Variants in LIMS2 observed in about 807,000 individuals in gnomAD.
LIMS2 encodes LIM zinc finger domain containing 2.
A neutral mutation model predicts 45.3 loss-of-function variants in LIMS2; 30 were observed. The observed-to-expected ratio is 0.66, with a 90% confidence interval of 0.50 to 0.90. LIMS2 has a LOEUF of 0.90. Among genes scored for constraint, LIMS2 ranks in the 40% least tolerant of loss-of-function variants. The probability of loss-of-function intolerance (pLI) is 0.00; values close to 1 mark genes in which losing one functional copy is unlikely to be tolerated. For synonymous variants in LIMS2, 173 were observed against 188.0 expected, an observed-to-expected ratio of 0.92 and a Z score of 0.65; for missense variants, 485 against 468.7, an observed-to-expected ratio of 1.03 and a Z score of -0.32.
chr2:127,672,063 C>T lies in LIMS2; in HGVS notation c.11+2951G>A, dbSNP rs1044044896. 5.9e-5 allele frequency among the ~76,000 whole-genome samples: 9 copies of T among 152,200 alleles called. No individual in the cohort carries two copies. The highest frequency in any genetic ancestry group is 7.3e-5 in the Non-Finnish European group (5 of 68,032). On this transcript the variant is annotated intron_variant, in intron 1 of 9. Coordinates refer to ENST00000355119, the MANE Select transcript of LIMS2 (RefSeq NM_001161403.3). This position sits in a 1 kb window ranked among gnomAD's most constrained non-coding sequence, Gnocchi z 4.9. ...TGGGCTCAGCACACAATCAGGCATA[C>T]GACAGCCTCACATGTGACACACATG...
rs1431529794 is a variant in LIMS2, at chr2:127,642,061, C to T, written c.648G>A (p.Gln216=). ...CAGCCTGGCTCACCTCCACGTGCCACTGCTTGCCCAGCGCGTTGACCACTC... is the reference window on the plus strand; with the variant it reads ...CAGCCTGGCTCACCTCCACGTGCCATTGCTTGCCCAGCGCGTTGACCACTC... ...EGRVVNALGK[Q]WHVEHFVCAK... The change falls in exon 6 of 10, where the codon CAG becomes CAA. Residue 216 remains glutamine (Q), a synonymous_variant. Coordinates refer to ENST00000355119, the MANE Select transcript of LIMS2 (RefSeq NM_001161403.3). This position sits in a 1 kb window ranked among gnomAD's most constrained non-coding sequence, Gnocchi z 5.3. 1 of 1,611,332 alleles carries T rather than the reference C, an allele frequency of 6.2e-7. No homozygotes were observed. The highest frequency in any genetic ancestry group is 1.7e-5 in the Admixed American group (1 of 59,850).
rs1190431503 is a variant in LIMS2 at position 127,664,478 on chromosome 2, G to A, written c.12-6916C>T. The stretch of plus-strand genomic sequence containing the variant: ...CTCGGAGGGGAGGCGCGGCCGCCTG[G>A]GGCCAGACACCAAGACGGGACGGGC... On this transcript the variant is annotated intron_variant, in intron 1 of 9. Coordinates refer to ENST00000355119, the MANE Select transcript of LIMS2 (RefSeq NM_001161403.3). The surrounding 1 kb of genome is among the most constrained non-coding windows in gnomAD (Gnocchi z 5.5). The A allele has an allele frequency of 1.7e-6, 2 of 1,176,368 alleles. No individual in the cohort carries two copies. The highest frequency in any genetic ancestry group is 4.6e-5 in the Admixed American group (1 of 21,872). The allele number at this position is 1,176,368 out of a possible 1,614,324, so 72.9% of individuals were successfully genotyped here. A position where few individuals can be genotyped will look rare whatever the true frequency, so the allele number is the denominator to read the frequency against.
chr2:127,664,716 G>T lies in LIMS2; in HGVS notation c.12-7154C>A. 1 of 610,120 alleles carries T rather than the reference G, an allele frequency of 1.6e-6. No homozygotes were observed. The highest frequency in any genetic ancestry group is 2.1e-6 in the Non-Finnish European group (1 of 487,058). The allele number at this position is 610,120 out of a possible 1,614,324, so 37.8% of individuals were successfully genotyped here. ...GAGGTGAGGTCCACAGTGGCGGCAG[G>T]ACACCCAGGAGGTCTCCGGCTGCCA... On this transcript the variant is annotated intron_variant, in intron 1 of 9. Transcript: ENST00000355119. This position sits in a 1 kb window ranked among gnomAD's most constrained non-coding sequence, Gnocchi z 5.5.
intron 4 of LIMS2, chr2:127,651,958 G>A (rs943850131): frequency 1.6e-6 from 1 of 614,772 alleles, no homozygotes; most frequent in Admixed American, 3.0e-5. Context: ...CTCTGCAGGG[G>A]CTTGTGATGG....
At position 127,640,876 on chromosome 2, in the gene LIMS2, A is replaced by C. The variant is rs776906493; in HGVS notation, c.753+20T>G. ...CACCCCTCCAGACCCGCATCCCTGA[A>C]GGTTCTGCACCGGGCTCACCTGGTT... On this transcript the variant is annotated intron_variant, in intron 7 of 9. Coordinates refer to ENST00000355119, the MANE Select transcript of LIMS2 (RefSeq NM_001161403.3). The C allele has an allele frequency of 1.9e-6, 3 of 1,609,144 alleles. No individual in the cohort carries two copies. The highest frequency in any genetic ancestry group is 2.2e-5 in the East Asian group (1 of 44,840).
intron 1 of LIMS2, among the ~76,000 whole-genome samples, chr2:127,668,390 C>T (rs1685113194): frequency 6.6e-6 from 1 of 151,676 alleles, no homozygotes; most frequent in Non-Finnish European, 1.5e-5. Context: ...ACAAAGAGGC[C>T]AGGTGCAGTG....
intron 2 of LIMS2, chr2:127,656,189 ATAATT>A (rs1684238315): frequency 6.6e-6 from 1 of 152,236 alleles, no homozygotes; most frequent in Non-Finnish European, 1.5e-5. Context: ...GTACGCTGAT[ATAATT>A]TAATTTTTAA....
chr2:127,649,883 T>C (rs908844157), intron 4 of LIMS2: 4 of 750,478 alleles, frequency 5.3e-6, no homozygotes, highest in Non-Finnish European at 8.8e-6. Flanking sequence ...CTGGGTAAAA[T>C]GGGTCTTCCC....
chr2:127,641,419 TG>T, intron 6 of LIMS2: 1 of 202,176 alleles, frequency 4.9e-6, no homozygotes, highest in Non-Finnish European at 1.0e-5. Flanking sequence ...CCTGCAAGCC[TG>T]GGATCACTGA....
At position 127,639,237 on chromosome 2, in the gene LIMS2, G is replaced by T. The variant is rs373600859; in HGVS notation, c.*44C>A. On this transcript the variant is annotated 3_prime_UTR_variant, in exon 10 of 10. Coordinates refer to ENST00000355119, the MANE Select transcript of LIMS2 (RefSeq NM_001161403.3). ...GGGGGCCAAGCATGGACAGCAGGAG[G>T]GGAGAAGGCGGAGGGGCCGAGAGGC... The T allele has an allele frequency of 4.7e-5, 76 of 1,602,762 alleles. No individual in the cohort carries two copies. In the African/African-American group the frequency reaches 9.0e-4, roughly 19 times the overall value.
chr2:127,668,668 C>CAAAAA (rs70985469), intron 1 of LIMS2, among the ~76,000 whole-genome samples: 363 of 17,236 alleles, frequency 0.021, 62 homozygotes, highest in Admixed American at 0.033. Context: ...GACTCCGTCT[C>CAAAAA]AAAAAAAAAA....
rs1682567974 is a variant in LIMS2 at position 127,642,806 on chromosome 2, C to T, written c.509+117G>A. The T allele has an allele frequency of 8.3e-7, 1 of 1,198,898 alleles. No individual in the cohort carries two copies. The highest frequency in any genetic ancestry group is 2.8e-4 in the Middle Eastern group (1 of 3,574). 74.3% of individuals were successfully genotyped at this position (1,198,898 alleles called of 1,614,324 possible). A position where few individuals can be genotyped will look rare whatever the true frequency, so the allele number is the denominator to read the frequency against. ...TTGCTCTCGGGACCCCTCTGTCTGC[C>T]CACCCTGCTCCCCTCTCCCTCCTCA... On this transcript the variant is annotated intron_variant, in intron 5 of 9. Coordinates refer to ENST00000355119, the MANE Select transcript of LIMS2 (RefSeq NM_001161403.3). The surrounding 1 kb of genome is among the most constrained non-coding windows in gnomAD (Gnocchi z 5.3).
rs1031184692 is a variant in LIMS2, at chr2:127,667,173, C to T, written c.11+7841G>A. ...CAGTGTGGTGGCACATGCCTATAAT[C>T]CCAGCTACTCAGGAGGCTGAGGCAG... On this transcript the variant is annotated intron_variant, in intron 1 of 9. Transcript: ENST00000355119. This position sits in a 1 kb window ranked among gnomAD's most constrained non-coding sequence, Gnocchi z 4.1. 2.0e-5 allele frequency among the ~76,000 whole-genome samples: 3 copies of T among 152,212 alleles called. No homozygotes were observed. The highest frequency in any genetic ancestry group is 2.9e-5 in the Non-Finnish European group (2 of 68,036).
intron 4 of LIMS2, chr2:127,650,993 C>T (rs781484223): frequency 1.9e-6 from 3 of 1,613,826 alleles, no homozygotes; most frequent in Non-Finnish European, 2.5e-6. Flanking sequence ...TCCTGCCCAC[C>T]CGCCTGGTCT....
chr2:127,651,451 T>C (rs369962485), intron 4 of LIMS2: 12 of 1,612,912 alleles, frequency 7.4e-6, no homozygotes, highest in African/African-American at 4.0e-5. Context: ...ATGATCGCCA[T>C]AGTGCTGGCC....
At chr2:127,662,035 C>G (rs1463523053) in intron 1 of LIMS2, among the ~76,000 whole-genome samples, 2 of 152,168 alleles carry the variant, frequency 1.3e-5, no homozygotes, top group African/African-American at 4.8e-5. Flanking sequence ...CACAAGAAGT[C>G]TGGTCACACC....
At chr2:127,680,342 C>T (rs1321607588), upstream of LIMS2, among the ~76,000 whole-genome samples, 2 of 152,236 alleles carry the variant, frequency 1.3e-5, no homozygotes, top group Admixed American at 6.5e-5. Flanking sequence ...GGGCCTAGCT[C>T]TTCATGAGGC....
chr2:127,651,324 C>T, intron 4 of LIMS2: 2 of 1,610,838 alleles, frequency 1.2e-6, no homozygotes, highest in Non-Finnish European at 1.7e-6. Context: ...CCTGGTGTCC[C>T]TGGCAGTGGC....
intron 4 of LIMS2, chr2:127,651,103 C>T (rs902189141): frequency 1.2e-6 from 2 of 1,613,670 alleles, no homozygotes; most frequent in South Asian, 1.1e-5. Flanking sequence ...TACTTCCTCA[C>T]CTGCATCAGC....
Sources: allele counts gnomAD v4.1 joint callset (sites outside exome capture counted in the v4.1 genomes callset), GRCh38; gene constraint gnomAD v4.1.1; non-coding constraint Gnocchi (gnomAD v3.1); transcripts MANE v1.5; gene names NCBI Gene and HGNC (gene_info 2026-07-23, HGNC 2026-07-21).